The following ARID5B variants were observed in gnomAD, a reference collection of about 807,000 sequenced individuals.
ARID5B encodes the protein AT-rich interactive domain-containing protein 5B.
A neutral mutation model predicts 97.2 loss-of-function variants in ARID5B; 13 were observed. That is an observed-to-expected ratio of 0.13 (90% CI 0.09 to 0.21). The LOEUF is 0.21. Ranked by LOEUF, ARID5B falls within the 10% of genes least tolerant of loss-of-function variation. The probability of loss-of-function intolerance (pLI) is 1.00; values close to 1 mark genes in which losing one functional copy is unlikely to be tolerated. For missense variants in ARID5B, 1,210 were observed against 1,465.3 expected (o/e 0.83, Z 2.84); for synonymous variants, 556 against 570.3 (o/e 0.97, Z 0.36).
intron 8 of ARID5B, among the ~76,000 whole-genome samples, chr10:62,071,667 T>C (rs911253948): frequency 2.0e-5 from 3 of 152,180 alleles, no homozygotes; most frequent in African/African-American, 7.2e-5. Context: ...CTTCTGAAGA[T>C]TGTGTACTTT....
chr10:62,071,579 T>A (rs1355119619), intron 8 of ARID5B, among the ~76,000 whole-genome samples: 1 of 128,662 alleles, frequency 7.8e-6, no homozygotes, highest in Non-Finnish European at 1.7e-5. Context: ...GAGAGAAGGT[T>A]TGGCATGGAG....
rs190293146 is a variant in ARID5B at position 62,035,569 on chromosome 10, C to A, written c.734-15319C>A. On this transcript the variant is annotated intron_variant, in intron 4 of 9. Transcript: ENST00000279873. Reference sequence around the variant, plus strand: ...GCAGTGGCACAGTCTTAGCTCACTGCAACCTCCACCTCATGGGTTTAAGTG... The same window carrying A: ...GCAGTGGCACAGTCTTAGCTCACTGAAACCTCCACCTCATGGGTTTAAGTG... Among the ~76,000 whole-genome samples, 502 of 152,246 alleles carry A rather than the reference C, an allele frequency of 3.3e-3. 9 individuals are homozygous for A. The highest frequency in any genetic ancestry group is 4.4e-3 in the East Asian group (23 of 5,182).
chr10:61,994,444 G>A (rs1227011145), intron 3 of ARID5B, among the ~76,000 whole-genome samples: 3 of 152,104 alleles, frequency 2.0e-5, no homozygotes, highest in African/African-American at 7.2e-5. Flanking sequence ...CAGCCTCCGT[G>A]CATTTGGCCG....
intron 8 of ARID5B, among the ~76,000 whole-genome samples, chr10:62,077,528 C>A (rs898406394): frequency 7.5e-6 from 1 of 133,162 alleles, no homozygotes; most frequent in African/African-American, 2.5e-5. Flanking sequence ...TTTGACCCCC[C>A]CCAAAAAAAA....
rs532476074 is a variant in ARID5B, at chr10:62,089,381, CT to C, written c.1399-1477del. 3.5e-4 allele frequency among the ~76,000 whole-genome samples: 53 copies of C among 151,824 alleles called. No homozygotes were observed. The South Asian group carries it at 1.0e-2, about 29-fold the overall frequency. On this transcript the variant is annotated intron_variant, in intron 9 of 9. Transcript: ENST00000279873. ...GTGAAATAGGTGTGATTTCTTAAAACTTTTGTTCCCACGTATTCCTAAACCA... is the reference window on the plus strand; with the variant it reads ...GTGAAATAGGTGTGATTTCTTAAAACTTTGTTCCCACGTATTCCTAAACCA...
chr10:62,083,325 A>AG (rs1840240296), intron 8 of ARID5B, among the ~76,000 whole-genome samples: 1 of 151,570 alleles, frequency 6.6e-6, no homozygotes, highest in South Asian at 2.1e-4. Context: ...AAAAAAAAAA[A>AG]AAGGAACCGA....
At chr10:61,977,125 T>C (rs1838711280) in intron 3 of ARID5B, among the ~76,000 whole-genome samples, 1 of 152,230 alleles carries the variant, frequency 6.6e-6, no homozygotes, top group African/African-American at 2.4e-5. Context: ...TTTTTGTCCT[T>C]GCAATAGTTT....
At chr10:61,942,478 G>A (rs1478933864) in intron 3 of ARID5B, among the ~76,000 whole-genome samples, 2 of 152,192 alleles carry the variant, frequency 1.3e-5, no homozygotes, top group Non-Finnish European at 2.9e-5. Context: ...GTAAGGAAAG[G>A]CCAATGAATG....
At chr10:62,071,605 A>G (rs1192711970) in intron 8 of ARID5B, among the ~76,000 whole-genome samples, 1 of 145,988 alleles carries the variant, frequency 6.8e-6, no homozygotes, top group African/African-American at 2.5e-5. Flanking sequence ...GACTCAACCC[A>G]TAGTAGTGTG....
At chr10:62,021,790 T>C (rs2132892312) in intron 4 of ARID5B, among the ~76,000 whole-genome samples, 1 of 152,356 alleles carries the variant, frequency 6.6e-6, no homozygotes, top group African/African-American at 2.4e-5. Context: ...GTACAACCAC[T>C]GTGGTGTTAA....
intron 3 of ARID5B, among the ~76,000 whole-genome samples, chr10:61,968,610 T>C (rs1838580899): frequency 6.6e-6 from 1 of 152,166 alleles, no homozygotes; most frequent in Non-Finnish European, 1.5e-5. Context: ...ATCTAATATA[T>C]TGTCATATGT....
intron 5 of ARID5B, among the ~76,000 whole-genome samples, chr10:62,056,097 A>G (rs1263014001): frequency 6.6e-6 from 1 of 152,128 alleles, no homozygotes; most frequent in East Asian, 1.9e-4. Flanking sequence ...AAAATAGCTC[A>G]GCAACTTAGT....
At chr10:61,953,056 A>G (rs748511429) in intron 3 of ARID5B, among the ~76,000 whole-genome samples, 2 of 151,976 alleles carry the variant, frequency 1.3e-5, no homozygotes, top group Non-Finnish European at 2.9e-5. Context: ...ACAGGTTATT[A>G]AGAAGATGAT....
intron 4 of ARID5B, among the ~76,000 whole-genome samples, chr10:62,031,794 A>T (rs993908972): frequency 6.6e-6 from 1 of 152,202 alleles, no homozygotes; most frequent in Non-Finnish European, 1.5e-5. Context: ...TAGGAATATG[A>T]GCCCAGAGTT....
At chr10:61,931,467 T>C (rs1182364954) in intron 2 of ARID5B, among the ~76,000 whole-genome samples, 1 of 152,078 alleles carries the variant, frequency 6.6e-6, no homozygotes, top group Non-Finnish European at 1.5e-5. Flanking sequence ...ATAGATATAA[T>C]GGCAAGCCAC....
intron 3 of ARID5B, among the ~76,000 whole-genome samples, chr10:61,975,221 G>C (rs1838683010): frequency 1.3e-5 from 2 of 152,000 alleles, no homozygotes; most frequent in African/African-American, 4.8e-5. Flanking sequence ...TGGTTTCTTG[G>C]GTGATACATT....
intron 3 of ARID5B, among the ~76,000 whole-genome samples, chr10:61,982,194 A>G (rs754248414): frequency 2.0e-5 from 3 of 152,186 alleles, no homozygotes; most frequent in Non-Finnish European, 4.4e-5. Flanking sequence ...AGTGTATCAG[A>G]TAGGTGGGAT....
chr10:61,922,480 G>A (rs1300649900), intron 2 of ARID5B, among the ~76,000 whole-genome samples: 4 of 152,198 alleles, frequency 2.6e-5, no homozygotes, highest in African/African-American at 9.6e-5. Context: ...GCACATGCTT[G>A]TAGTCCCAGC....
intron 3 of ARID5B, among the ~76,000 whole-genome samples, chr10:61,959,775 A>T (rs572840186): frequency 6.6e-6 from 1 of 152,200 alleles, no homozygotes; most frequent in African/African-American, 2.4e-5. Flanking sequence ...TATTTTCCTA[A>T]TAGTTCATGC....
Sources: allele counts gnomAD v4.1 joint callset (sites outside exome capture counted in the v4.1 genomes callset), GRCh38; gene constraint gnomAD v4.1.1; transcripts MANE v1.5; gene names NCBI Gene and HGNC (gene_info 2026-07-23, HGNC 2026-07-21).